Variants in NDUFAF6 observed in about 807,000 individuals in gnomAD.
The protein encoded by NDUFAF6 is NADH dehydrogenase (ubiquinone) complex I, assembly factor 6.
Under a neutral mutation model 40.8 loss-of-function variants are expected in NDUFAF6, and 45 were observed. The ratio of observed to expected loss-of-function variants is 1.10; its 90% confidence interval spans 0.87 to 1.42. The LOEUF (loss-of-function observed/expected upper bound fraction) is 1.42. Ranked by LOEUF, NDUFAF6 falls within the 40% of genes most tolerant of loss-of-function variation. The pLI is 0.00. For synonymous variants in NDUFAF6, 185 were observed against 155.9 expected (o/e 1.19, Z -1.39); for missense variants, 435 against 418.5 (o/e 1.04, Z -0.34).
At chr8:94,898,961 A>G (rs572842711) in intron 1 of NDUFAF6, among the ~76,000 whole-genome samples, 1 of 152,374 alleles carries the variant, frequency 6.6e-6, no homozygotes, top group African/African-American at 2.4e-5. Context: ...GGTGCTTAAT[A>G]ATAGTATTTC....
At chr8:95,108,416 G>A (rs1426710384), downstream of NDUFAF6, among the ~76,000 whole-genome samples, 1 of 152,130 alleles carries the variant, frequency 6.6e-6, no homozygotes, top group Non-Finnish European at 1.5e-5. Flanking sequence ...TTATGCATGA[G>A]CCTCAAAGAC....
chr8:95,111,233 CA>C lies in NDUFAF6; in HGVS notation n.345-4299del, dbSNP rs780317295. Among the ~76,000 whole-genome samples the C allele has an allele frequency of 4.9e-4, 75 of 152,270 alleles. 2 individuals carry two copies. The highest frequency in any genetic ancestry group is 4.7e-4 in the Non-Finnish European group (32 of 68,020). ...AAGACAGGAGCAAGAAGAGGCAAGC[CA>C]AAAGGAGTCATTGGAAGGCATTCCA... On this transcript the variant is annotated intron_variant and non_coding_transcript_variant, in intron 4 of 5. Coordinates refer to the NDUFAF6 transcript ENST00000523184.
In NDUFAF6 at chr8:95,029,273, A is replaced by G. The variant is rs927798716; in HGVS notation, c.198-2722A>G. ...TCCTGGAGTGAATATGGTAAGGTCTATATGTTCATAACATTTTATTTTCAA... is the reference window on the plus strand; with the variant it reads ...TCCTGGAGTGAATATGGTAAGGTCTGTATGTTCATAACATTTTATTTTCAA... On this transcript the variant is annotated intron_variant, in intron 1 of 8. Transcript: ENST00000396124. Among the ~76,000 whole-genome samples the G allele has an allele frequency of 2.0e-4, 30 of 152,228 alleles. 3 individuals carry two copies. The highest frequency in any genetic ancestry group is 4.4e-5 in the Non-Finnish European group (3 of 68,032).
chr8:94,897,002 C>T (rs1038126979), intron 1 of NDUFAF6, among the ~76,000 whole-genome samples: 1 of 152,178 alleles, frequency 6.6e-6, no homozygotes, highest in Non-Finnish European at 1.5e-5. Context: ...CAGAAGTTGC[C>T]TCCCTTTTGC....
chr8:95,098,899 G>T (rs1233110234), upstream of NDUFAF6, among the ~76,000 whole-genome samples: 1 of 152,106 alleles, frequency 6.6e-6, no homozygotes, highest in East Asian at 1.9e-4. Context: ...TCCAGCCTGG[G>T]CGACAGAGTA....
downstream of NDUFAF6, among the ~76,000 whole-genome samples, chr8:95,105,056 CACACACACACAGAGAGAGAGAGAGAG>C (rs1473580224): frequency 1.6e-5 from 1 of 60,666 alleles, no homozygotes; most frequent in East Asian, 1.9e-3. Flanking sequence ...CACACACACA[CACACACACACAGAGAGAGAGAGAGAG>C]AGAGAGAGAG....
chr8:95,039,204 C>T (rs1829870364), intron 3 of NDUFAF6, among the ~76,000 whole-genome samples: 1 of 151,454 alleles, frequency 6.6e-6, no homozygotes, highest in South Asian at 2.1e-4. Context: ...CCTGTAATGC[C>T]AGCACTTTGG....
At chr8:95,100,302 G>A (rs528814083), upstream of NDUFAF6, 1 of 151,738 alleles carries the variant, frequency 6.6e-6, no homozygotes, top group African/African-American at 2.4e-5. Flanking sequence ...ACAGTACATA[G>A]AAGACAAAGT....
At chr8:95,006,621 G>A (rs908971603) in intron 2 of NDUFAF6, among the ~76,000 whole-genome samples, 1 of 152,012 alleles carries the variant, frequency 6.6e-6, no homozygotes, top group East Asian at 1.9e-4. Flanking sequence ...TGGTTCACAC[G>A]TGTAACCCCA....
intron 2 of NDUFAF6, among the ~76,000 whole-genome samples, chr8:94,948,270 G>A (rs899757213): frequency 4.6e-5 from 7 of 152,180 alleles, no homozygotes; most frequent in African/African-American, 1.4e-4. Flanking sequence ...GTGGCCTTGA[G>A]CAACTTAATC....
At chr8:95,021,904 G>A (rs2131700280), upstream of NDUFAF6, among the ~76,000 whole-genome samples, 3 of 152,296 alleles carry the variant, frequency 2.0e-5, 1 homozygote, top group East Asian at 5.8e-4. Context: ...TCCAAAGTAG[G>A]GGGCAGCCTT....
intron 1 of NDUFAF6, chr8:94,941,002 G>A: frequency 7.6e-7 from 1 of 1,318,270 alleles, no homozygotes; most frequent in Non-Finnish European, 1.1e-6. Context: ...TCAAAACCTT[G>A]TCTTTAGTTG....
chr8:95,059,415 T>G (rs915825434), downstream of NDUFAF6, among the ~76,000 whole-genome samples: 2 of 152,160 alleles, frequency 1.3e-5, no homozygotes, highest in African/African-American at 4.8e-5. Flanking sequence ...AAGTAGAGAT[T>G]AATAAATATA....
At chr8:95,058,981 T>G (rs2132008697), downstream of NDUFAF6, among the ~76,000 whole-genome samples, 1 of 152,226 alleles carries the variant, frequency 6.6e-6, no homozygotes, top group East Asian at 1.9e-4. Context: ...AGGGTGAGGC[T>G]GCAGTGAGGC....
At chr8:95,037,730 A>G (rs1829669791) in intron 3 of NDUFAF6, among the ~76,000 whole-genome samples, 1 of 152,174 alleles carries the variant, frequency 6.6e-6, no homozygotes, top group Non-Finnish European at 1.5e-5. Context: ...TGAGAGTCTT[A>G]GTTGAAGTAT....
chr8:95,118,204 C>A (rs1294523395), downstream of NDUFAF6, among the ~76,000 whole-genome samples: 1 of 152,206 alleles, frequency 6.6e-6, no homozygotes, highest in South Asian at 2.1e-4. Flanking sequence ...TGGGTTCCCA[C>A]CAGATGCATC....
chr8:94,930,600 C>T, intron 1 of NDUFAF6: 1 of 1,614,224 alleles, frequency 6.2e-7, no homozygotes, highest in Admixed American at 1.7e-5. Context: ...AAGAGGCTGT[C>T]TTTCACTGTG....
upstream of NDUFAF6, among the ~76,000 whole-genome samples, chr8:95,099,444 C>G (rs575908475): frequency 4.6e-5 from 7 of 151,930 alleles, no homozygotes; most frequent in South Asian, 1.0e-3. Context: ...GCTGATAGTT[C>G]ATGTAAGGGG....
At chr8:94,898,115 C>T (rs1817771726) in intron 1 of NDUFAF6, among the ~76,000 whole-genome samples, 1 of 152,210 alleles carries the variant, frequency 6.6e-6, no homozygotes, top group African/African-American at 2.4e-5. Flanking sequence ...CTCTCCCACC[C>T]ACCACACATG....
Sources: allele counts gnomAD v4.1 joint callset (sites outside exome capture counted in the v4.1 genomes callset), GRCh38; gene constraint gnomAD v4.1.1; transcripts MANE v1.5; gene names NCBI Gene and HGNC (gene_info 2026-07-23, HGNC 2026-07-21).